Variants in CENPW observed in about 807,000 individuals in gnomAD.
The protein encoded by CENPW is centromere protein W.
In CENPW, 3 loss-of-function variants were observed where a neutral mutation model predicts 11.1. The observed-to-expected ratio is 0.27, with a 90% confidence interval of 0.12 to 0.70. CENPW has a LOEUF of 0.70. CENPW is among the 30% of genes least tolerant of loss of function. The pLI, the probability that CENPW is intolerant of heterozygous loss-of-function variation, is 0.77. For missense variants in CENPW, 100 were observed against 105.6 expected, an observed-to-expected ratio of 0.95 and a Z score of 0.23; for synonymous variants, 38 against 42.0, an observed-to-expected ratio of 0.91 and a Z score of 0.37.
chr6:126,448,886 T>C, the CENPW span, among the ~76,000 whole-genome samples: 3 of 151,142 alleles, frequency 2.0e-5, no homozygotes, highest in Admixed American at 6.6e-5. Context: ...GAAGTGTTCA[T>C]ATATATTCTT....
chr6:126,382,693 A>G, the CENPW span, among the ~76,000 whole-genome samples: 3 of 152,214 alleles, frequency 2.0e-5, no homozygotes, highest in African/African-American at 4.8e-5. Context: ...AAAGAATCTC[A>G]GAGCTTGAAG....
chr6:126,449,957 T>C, the CENPW span, among the ~76,000 whole-genome samples: 15 of 151,154 alleles, frequency 9.9e-5, no homozygotes, highest in South Asian at 1.7e-3. Flanking sequence ...CTTTTTGCAC[T>C]TCCCAAGCAC....
At chr6:126,407,440 G>A in the CENPW span, among the ~76,000 whole-genome samples, 1 of 152,042 alleles carries the variant, frequency 6.6e-6, no homozygotes, top group Non-Finnish European at 1.5e-5. Flanking sequence ...TTTCCTGTGG[G>A]TATATACCCA....
chr6:126,374,365 G>T, the CENPW span, among the ~76,000 whole-genome samples: 2 of 152,076 alleles, frequency 1.3e-5, no homozygotes, highest in African/African-American at 4.8e-5. Flanking sequence ...CCATCTTTGG[G>T]TTTAGAAATA....
the CENPW span, among the ~76,000 whole-genome samples, chr6:126,471,541 A>C: frequency 2.6e-5 from 4 of 152,208 alleles, no homozygotes; most frequent in South Asian, 2.1e-4. Flanking sequence ...TTAAATGGCC[A>C]AAAATTGAAA....
the CENPW span, among the ~76,000 whole-genome samples, chr6:126,374,768 T>C: frequency 1.3e-5 from 2 of 152,198 alleles, no homozygotes; most frequent in African/African-American, 4.8e-5. Context: ...ATATAATAAA[T>C]AATTCCATTC....
At chr6:126,384,997 C>T in the CENPW span, among the ~76,000 whole-genome samples, 1 of 151,828 alleles carries the variant, frequency 6.6e-6, no homozygotes, top group Admixed American at 6.6e-5. Flanking sequence ...GGTGGAGAAG[C>T]ATATGAAAAA....
chr6:126,370,524 CT>C, the CENPW span, among the ~76,000 whole-genome samples: 2 of 151,996 alleles, frequency 1.3e-5, no homozygotes, highest in East Asian at 3.9e-4. Flanking sequence ...ACTTTTGCAG[CT>C]TTTGTAAAAG....
At chr6:126,395,199 A>G in the CENPW span, among the ~76,000 whole-genome samples, 3 of 152,006 alleles carry the variant, frequency 2.0e-5, no homozygotes, top group African/African-American at 2.4e-5. Context: ...TAGATTCTGT[A>G]TGCATGCTTC....
chr6:126,356,748 G>A, the CENPW span, among the ~76,000 whole-genome samples: 3 of 152,024 alleles, frequency 2.0e-5, no homozygotes, highest in Admixed American at 2.0e-4. Context: ...AGAAGTGTCT[G>A]TTCATGTTCT....
the CENPW span, among the ~76,000 whole-genome samples, chr6:126,385,181 T>C: frequency 6.6e-6 from 1 of 152,152 alleles, no homozygotes; most frequent in Non-Finnish European, 1.5e-5. Flanking sequence ...GTTTAACCAT[T>C]GTGGAAAGCA....
intron 1 of CENPW, 32 bp from the exon 2 acceptor site, chr6:126,346,173 T>C (rs752912350): frequency 7.4e-7 from 1 of 1,347,912 alleles, no homozygotes; most frequent in South Asian, 1.3e-5. Flanking sequence ...GTATTTGAGC[T>C]TAAAAATCCA....
the CENPW span, among the ~76,000 whole-genome samples, chr6:126,399,401 A>G: frequency 8.5e-5 from 13 of 152,280 alleles, no homozygotes; most frequent in East Asian, 5.8e-4. Context: ...TGGATGGTAC[A>G]TAGTATTTCA....
the CENPW span, among the ~76,000 whole-genome samples, chr6:126,381,399 A>G: frequency 6.6e-6 from 1 of 152,208 alleles, no homozygotes; most frequent in South Asian, 2.1e-4. Context: ...ATGCATATAC[A>G]CTTTTATTAA....
chr6:126,369,064 C>T, the CENPW span, among the ~76,000 whole-genome samples: 2 of 151,920 alleles, frequency 1.3e-5, no homozygotes, highest in African/African-American at 4.8e-5. Context: ...CGAGTTACTT[C>T]ACTTAGAATA....
At chr6:126,459,127 C>G in the CENPW span, among the ~76,000 whole-genome samples, 5 of 151,488 alleles carry the variant, frequency 3.3e-5, no homozygotes, top group African/African-American at 1.2e-4. Context: ...CTCCAAATGC[C>G]TATTTCTGTT....
the CENPW span, among the ~76,000 whole-genome samples, chr6:126,425,218 G>A: frequency 6.6e-6 from 1 of 152,038 alleles, no homozygotes; most frequent in Non-Finnish European, 1.5e-5. Flanking sequence ...TTCTCTTGCA[G>A]GGGTTAAAAT....
the CENPW span, among the ~76,000 whole-genome samples, chr6:126,380,551 C>T: frequency 6.6e-6 from 1 of 152,318 alleles, no homozygotes; most frequent in South Asian, 2.1e-4. Flanking sequence ...TTGCTAAATT[C>T]TACTCTAGCA....
the CENPW span, among the ~76,000 whole-genome samples, chr6:126,359,598 G>T: frequency 9.2e-5 from 14 of 152,050 alleles, no homozygotes; most frequent in Non-Finnish European, 1.9e-4. Flanking sequence ...GAATCTGGGT[G>T]CCCTAATGTT....
Sources: allele counts gnomAD v4.1 joint callset (sites outside exome capture counted in the v4.1 genomes callset), GRCh38; gene constraint gnomAD v4.1.1; transcripts MANE v1.5; gene names NCBI Gene and HGNC (gene_info 2026-07-23, HGNC 2026-07-21).